The following CSMD3 variants were observed in gnomAD, a reference collection of about 807,000 sequenced individuals.
CSMD3 encodes CUB and sushi domain-containing protein 3.
CSMD3 carries 177 observed loss-of-function variants against 435.2 expected under a neutral mutation model. The ratio of observed to expected loss-of-function variants is 0.41; its 90% confidence interval spans 0.36 to 0.46. CSMD3 has a LOEUF of 0.46. Ranked by LOEUF, CSMD3 falls within the 20% of genes least tolerant of loss-of-function variation. The probability of loss-of-function intolerance (pLI) is 0.34; values close to 1 mark genes in which losing one functional copy is unlikely to be tolerated. For synonymous variants in CSMD3, 1,656 were observed against 1,520.5 expected (o/e 1.09, Z -2.07); for missense variants, 4,265 against 4,504.6 (o/e 0.95, Z 1.52).
intron 27 of CSMD3, among the ~76,000 whole-genome samples, chr8:112,520,568 GA>G: frequency 6.6e-6 from 1 of 152,028 alleles, no homozygotes; most frequent in South Asian, 2.1e-4. Flanking sequence ...GGAAAGGCAA[GA>G]AATATAGAAC....
At chr8:112,318,652 A>G (rs1357846840) in intron 47 of CSMD3, among the ~76,000 whole-genome samples, 185 bp downstream of exon 47, 4 of 152,146 alleles carry the variant, frequency 2.6e-5, no homozygotes, top group African/African-American at 9.6e-5. Flanking sequence ...AAAGATGTTT[A>G]AAGTTAAATC....
chr8:112,939,742 T>G (rs1240600502), intron 9 of CSMD3, among the ~76,000 whole-genome samples: 1 of 152,052 alleles, frequency 6.6e-6, no homozygotes, highest in Admixed American at 6.6e-5. Flanking sequence ...ATCAGATTCT[T>G]GAAGAAAAAG....
chr8:113,030,538 C>T (rs2087062123), intron 5 of CSMD3, among the ~76,000 whole-genome samples: 1 of 149,306 alleles, frequency 6.7e-6, no homozygotes, highest in Non-Finnish European at 1.5e-5. Context: ...CAAAATTGAT[C>T]ATGGACTTAA....
At chr8:112,236,936 A>G (rs1813645228) in intron 67 of CSMD3, among the ~76,000 whole-genome samples, 1 of 152,164 alleles carries the variant, frequency 6.6e-6, no homozygotes, top group South Asian at 2.1e-4. Context: ...ATGATCTAAT[A>G]TATGACATCT....
chr8:112,295,596 A>G (rs1308289595), intron 54 of CSMD3, among the ~76,000 whole-genome samples: 1 of 151,630 alleles, frequency 6.6e-6, no homozygotes, highest in Non-Finnish European at 1.5e-5. Context: ...ATATATTTAT[A>G]TTAAATATGA....
chr8:113,297,671 G>A (rs1771232389), intron 2 of CSMD3, among the ~76,000 whole-genome samples: 1 of 151,904 alleles, frequency 6.6e-6, no homozygotes, highest in Admixed American at 6.6e-5. Context: ...GACAAATATA[G>A]CTGCTCCTAA....
intron 53 of CSMD3, 147 bp downstream of exon 53, chr8:112,301,645 GC>G: frequency 1.5e-6 from 1 of 651,132 alleles, no homozygotes; most frequent in Admixed American, 2.5e-5. Context: ...TCTATCATGA[GC>G]CATTTTTAAA....
chr8:113,029,048 G>C (rs1325819342), intron 5 of CSMD3, among the ~76,000 whole-genome samples: 1 of 151,394 alleles, frequency 6.6e-6, no homozygotes, highest in Non-Finnish European at 1.5e-5. Flanking sequence ...GTGTTGTCAG[G>C]GGTTAATGAA....
intron 3 of CSMD3, among the ~76,000 whole-genome samples, chr8:113,198,505 A>T (rs1299970911): frequency 6.6e-6 from 1 of 151,316 alleles, no homozygotes. Flanking sequence ...ATTGACAAAG[A>T]AAGTGACTAA....
At chr8:113,299,368 A>AT (rs2093746640) in intron 2 of CSMD3, among the ~76,000 whole-genome samples, 1 of 152,152 alleles carries the variant, frequency 6.6e-6, no homozygotes, top group Admixed American at 6.6e-5. Context: ...TTATATTGCT[A>AT]TAATAAAAGC....
intron 60 of CSMD3, 143 bp from the exon 61 acceptor site, chr8:112,263,955 G>T: frequency 1.3e-6 from 1 of 798,886 alleles, no homozygotes; most frequent in Non-Finnish European, 2.1e-6. Context: ...TATTCTCCTG[G>T]TAGTGTTCCT....
At chr8:113,245,157 A>G (rs2093262684) in intron 3 of CSMD3, among the ~76,000 whole-genome samples, 1 of 152,128 alleles carries the variant, frequency 6.6e-6, no homozygotes, top group Non-Finnish European at 1.5e-5. Context: ...TTGAAATAAA[A>G]GTGTCTCTTT....
At chr8:112,912,658 C>T (rs568757080) in intron 10 of CSMD3, among the ~76,000 whole-genome samples, 16 of 151,760 alleles carry the variant, frequency 1.1e-4, no homozygotes, top group African/African-American at 2.9e-4. Flanking sequence ...AGTGTGGCAG[C>T]GATTTCCTGT....
chr8:112,332,522 T>C (rs1450374196), intron 45 of CSMD3, among the ~76,000 whole-genome samples: 1 of 152,162 alleles, frequency 6.6e-6, no homozygotes, highest in Non-Finnish European at 1.5e-5. Flanking sequence ...GTAGGCCTCA[T>C]GCATTCTTGA....
chr8:113,231,704 G>A (rs1236991522), intron 3 of CSMD3, among the ~76,000 whole-genome samples: 1 of 151,470 alleles, frequency 6.6e-6, no homozygotes, highest in Admixed American at 6.6e-5. Flanking sequence ...CTGACAGGCA[G>A]AGATAGATAT....
intron 60 of CSMD3, 66 bp from the exon 61 acceptor site, chr8:112,263,878 A>T: frequency 7.3e-7 from 1 of 1,365,668 alleles, no homozygotes; most frequent in Non-Finnish European, 1.0e-6. Flanking sequence ...AGATATAAAT[A>T]AATATCATTA....
intron 7 of CSMD3, among the ~76,000 whole-genome samples, chr8:112,963,446 C>T (rs1346757034): frequency 3.3e-5 from 5 of 151,954 alleles, no homozygotes; most frequent in African/African-American, 1.2e-4. Context: ...ATCTCAGATA[C>T]TGTATTCAAC....
intron 27 of CSMD3, among the ~76,000 whole-genome samples, chr8:112,532,737 G>T (rs958761132): frequency 6.6e-6 from 1 of 152,012 alleles, no homozygotes; most frequent in Admixed American, 6.6e-5. Context: ...TTAATATACA[G>T]CAAGAAATCA....
At chr8:112,522,420 C>A (rs1824391603) in intron 27 of CSMD3, among the ~76,000 whole-genome samples, 1 of 151,862 alleles carries the variant, frequency 6.6e-6, no homozygotes, top group Non-Finnish European at 1.5e-5. Context: ...CTTCACTGAT[C>A]TAAATCCACT....
Sources: gnomAD v4.1 joint callset for allele counts (sites outside exome capture counted in the v4.1 genomes callset) on GRCh38, gnomAD v4.1.1 for gene constraint, MANE v1.5 for transcripts, NCBI Gene and HGNC (gene_info 2026-07-23, HGNC 2026-07-21) for gene names.